Variants in LMO2 observed in about 807,000 individuals in gnomAD.
LMO2 encodes rhombotin-2.
In LMO2, 20 loss-of-function variants were observed where a neutral mutation model predicts 23.2. The observed-to-expected ratio is 0.86, with a 90% confidence interval of 0.61 to 1.25. The LOEUF is 1.25. Ranked by LOEUF, LMO2 falls within the 50% of genes most tolerant of loss-of-function variation. The pLI, the probability that LMO2 is intolerant of heterozygous loss-of-function variation, is 0.00. For missense variants in LMO2, 270 were observed against 315.3 expected (o/e 0.86, Z 1.09); for synonymous variants, 123 against 130.2 (o/e 0.94, Z 0.38).
At chr11:33,881,532 C>CT in intron 2 of LMO2, 2 of 373,196 alleles carry the variant, frequency 5.4e-6, no homozygotes, top group Non-Finnish European at 1.1e-5. Flanking sequence ...TCTGAGGCAT[C>CT]TTTTTAACCC....
chr11:33,886,443 T>C (rs1204418063), intron 1 of LMO2, among the ~76,000 whole-genome samples: 3 of 152,172 alleles, frequency 2.0e-5, no homozygotes, highest in Non-Finnish European at 4.4e-5. Context: ...GCCCATGGTG[T>C]TGTAGAAGAA....
chr11:33,891,395 A>G (rs945079393), intron 1 of LMO2, among the ~76,000 whole-genome samples: 1 of 151,214 alleles, frequency 6.6e-6, no homozygotes, highest in Non-Finnish European at 1.5e-5. Flanking sequence ...ACACATGCAC[A>G]CACACTCACA....
chr11:33,866,674 T>C (rs1418560750), intron 4 of LMO2, among the ~76,000 whole-genome samples: 1 of 152,198 alleles, frequency 6.6e-6, no homozygotes, highest in Non-Finnish European at 1.5e-5. Flanking sequence ...AGACACAGTT[T>C]CACTCTTATT....
chr11:33,886,025 A>C (rs1027531726), intron 1 of LMO2, among the ~76,000 whole-genome samples: 4 of 151,998 alleles, frequency 2.6e-5, no homozygotes, highest in Admixed American at 2.0e-4. Context: ...GCAGGTGCCC[A>C]CCACCAAGCT....
In LMO2 at chr11:33,870,470, GC is replaced by G. The variant is rs927208819; in HGVS notation, c.-271-484del. The G allele has an allele frequency of 1.6e-4, 158 of 966,182 alleles. No individual in the cohort carries two copies. In the African/African-American group the frequency reaches 2.6e-3, roughly 16 times the overall value. The allele number at this position is 966,182 out of a possible 1,614,324, so 59.9% of individuals were successfully genotyped here. On this transcript the variant is annotated intron_variant, in intron 2 of 5. Transcript: ENST00000257818. The stretch of plus-strand genomic sequence containing the variant: ...GCGGGCTGCGGGCTACGGGCTGCGG[GC>G]CCCAGGCTGCGGGCTCCGGGCTGCG...
intron 4 of LMO2, chr11:33,865,145 C>T (rs1354377486): frequency 2.5e-6 from 1 of 400,444 alleles, no homozygotes; most frequent in African/African-American, 2.0e-5. Flanking sequence ...CTGCTTTTTC[C>T]CACTCTCCCC....
intron 2 of LMO2, among the ~76,000 whole-genome samples, chr11:33,875,359 C>T (rs926645414): frequency 6.6e-6 from 1 of 152,090 alleles, no homozygotes; most frequent in Non-Finnish European, 1.5e-5. Flanking sequence ...GGGTGGATCA[C>T]CTGATGTCAG....
At chr11:33,860,587 A>T (rs921068188) in intron 5 of LMO2, among the ~76,000 whole-genome samples, 1 of 152,100 alleles carries the variant, frequency 6.6e-6, no homozygotes, top group African/African-American at 2.4e-5. Flanking sequence ...AACATGGTGA[A>T]ACTGTGTCTT....
Position 33,880,739 on chromosome 11 carries a change from G to A in LMO2, c.-272+1085C>T, listed in dbSNP as rs954726356. 4 of 174,120 alleles carry A rather than the reference G, an allele frequency of 2.3e-5. No homozygotes were observed. Among genetic ancestry groups the A allele is most frequent in the Non-Finnish European group, 4.9e-5 (4 of 80,990 alleles). 10.8% of individuals were successfully genotyped at this position (174,120 alleles called of 1,614,324 possible). A position where few individuals can be genotyped will look rare whatever the true frequency, so the allele number is the denominator to read the frequency against. On this transcript the variant is annotated intron_variant, in intron 2 of 5. Coordinates refer to ENST00000257818, the MANE Select transcript of LMO2 (RefSeq NM_005574.4). The surrounding 1 kb of genome is among the most constrained non-coding windows in gnomAD (Gnocchi z 4.3). The stretch of plus-strand genomic sequence containing the variant: ...AGTTAAAGACCATTCCCTAGGTGTA[G>A]CTCTGTTCCTACATGCAAAATTTTA...
At chr11:33,871,113 A>G (rs930197916) in intron 2 of LMO2, 121 of 970,186 alleles carry the variant, frequency 1.2e-4, no homozygotes, top group Non-Finnish European at 1.4e-4. Context: ...TTTTAAGGAT[A>G]ACCAGAGTTT....
rs1857229588 is a variant in LMO2 at position 33,880,161 on chromosome 11, AC to A, written c.-272+1662del. The stretch of plus-strand genomic sequence containing the variant: ...TACTATTTTATGTGTACATATATAT[AC>A]ATATGATATATACACATGATATATA... On this transcript the variant is annotated intron_variant, in intron 2 of 5. Transcript: ENST00000257818. The surrounding 1 kb of genome is among the most constrained non-coding windows in gnomAD (Gnocchi z 4.3). 6.7e-6 allele frequency among the ~76,000 whole-genome samples: 1 copy of A among 148,736 alleles called. No individual in the cohort carries two copies. The highest frequency in any genetic ancestry group is 1.5e-5 in the Non-Finnish European group (1 of 67,488).
At position 33,864,942 on chromosome 11, in the gene LMO2, G is replaced by C; in HGVS notation, c.249-125C>G. On this transcript the variant is annotated intron_variant, in intron 4 of 5. Transcript: ENST00000257818. This position sits in a 1 kb window ranked among gnomAD's most constrained non-coding sequence, Gnocchi z 4.8. ...GCCTTTCAGTGACCTAAGGGAGAAG[G>C]GACAGGACAACACATCCCTTGGCCA... 3 of 842,472 alleles carry C rather than the reference G, an allele frequency of 3.6e-6. No homozygotes were observed. The highest frequency in any genetic ancestry group is 5.9e-6 in the Non-Finnish European group (3 of 510,510). 52.2% of individuals were successfully genotyped at this position (842,472 alleles called of 1,614,324 possible).
rs1056848171 is a variant in LMO2, at chr11:33,869,857, C to T, written c.-141G>A. The T allele has an allele frequency of 1.0e-5, 11 of 1,058,242 alleles. No homozygotes were observed. The highest frequency in any genetic ancestry group is 1.0e-5 in the Non-Finnish European group (9 of 877,804). 65.6% of individuals were successfully genotyped at this position (1,058,242 alleles called of 1,614,324 possible). On this transcript the variant is annotated 5_prime_UTR_variant, in exon 3 of 6. Coordinates refer to ENST00000257818, the MANE Select transcript of LMO2 (RefSeq NM_005574.4). ...CCGGGTCGCGGCGCGCTGCTCGCCGCCGAGGGCAGAGAGGGGGCGGCGGCC... is the reference window on the plus strand; with the variant it reads ...CCGGGTCGCGGCGCGCTGCTCGCCGTCGAGGGCAGAGAGGGGGCGGCGGCC...
chr11:33,887,484 C>T (rs755377255), intron 1 of LMO2, among the ~76,000 whole-genome samples: 18 of 151,366 alleles, frequency 1.2e-4, no homozygotes, highest in Non-Finnish European at 4.4e-5. Flanking sequence ...GGGTGGGAAA[C>T]GTAAATGCAG....
chr11:33,869,490 C>CCGCCGCCGCCGT lies in LMO2; in HGVS notation c.92_103dup (p.Asp31_Gly34dup), dbSNP rs1190368852. The CCGCCGCCGCCGT allele has an allele frequency of 9.1e-6, 11 of 1,203,530 alleles. No homozygotes were observed. Among genetic ancestry groups the CCGCCGCCGCCGT allele is most frequent in the East Asian group, 3.9e-5 (1 of 25,626 alleles). The allele number at this position is 1,203,530 out of a possible 1,614,324, so 74.6% of individuals were successfully genotyped here. Reference sequence around the variant, plus strand: ...CCCCTCGGGTGCTCGGGCGCCGCCGCCGCCGCCGCCGTCGCCGCCGCTCCT... The same window carrying CCGCCGCCGCCGT: ...CCCCTCGGGTGCTCGGGCGCCGCCGCCGCCGCCGCCGTCGCCGCCGCCGTCGCCGCCGCTCCT... On this transcript the variant is annotated inframe_insertion, in exon 4 of 6. Coordinates refer to ENST00000257818, the MANE Select transcript of LMO2 (RefSeq NM_005574.4).
At chr11:33,881,089 C>T (rs556328155) in intron 2 of LMO2, 13 of 443,586 alleles carry the variant, frequency 2.9e-5, no homozygotes, top group South Asian at 1.9e-4. Flanking sequence ...TAGCAGGTCC[C>T]ATCTCCATTT....
intron 2 of LMO2, among the ~76,000 whole-genome samples, chr11:33,877,485 G>C (rs1386672372): frequency 1.2e-5 from 1 of 81,880 alleles, no homozygotes. Context: ...TTTTTTTTGA[G>C]ACAGTGTCTC....
Position 33,859,398 on chromosome 11 carries a change from T to C in LMO2, c.642A>G (p.Glu214=). ...YLLINSDIVC[E]QDIYEWTKIN... is the part of the protein sequence containing the mutation. ...TCTTAGTCCACTCGTAGATGTCCTG[T>C]TCGCACACTATGTCAGAGTTGATGA... The change falls in exon 6 of 6, where the codon GAA becomes GAG. Residue 214 remains glutamate, a synonymous_variant. Transcript: ENST00000257818. 6.2e-7 allele frequency: 1 copy of C among 1,614,180 alleles called. No homozygotes were observed. The highest frequency in any genetic ancestry group is 8.5e-7 in the Non-Finnish European group (1 of 1,180,030).
Position 33,864,036 on chromosome 11 carries a change from C to T in LMO2, c.464+566G>A, listed in dbSNP as rs1229260260. ...AAGCTGGGAAGCAATGGTATTGGGA[C>T]TCAAACCTCCAACTGCCTACAGGGC... is the stretch of plus-strand genomic sequence containing the variant. On this transcript the variant is annotated intron_variant, in intron 5 of 5. Transcript: ENST00000257818. The surrounding 1 kb of genome is among the most constrained non-coding windows in gnomAD (Gnocchi z 4.8). Among the ~76,000 whole-genome samples the T allele has an allele frequency of 6.6e-6, 1 of 152,202 alleles. No homozygotes were observed. Among genetic ancestry groups the T allele is most frequent in the Non-Finnish European group, 1.5e-5 (1 of 68,030 alleles).
Sources: gnomAD v4.1 joint callset for allele counts (sites outside exome capture counted in the v4.1 genomes callset) on GRCh38, gnomAD v4.1.1 for gene constraint, Gnocchi (gnomAD v3.1) non-coding constraint, MANE v1.5 for transcripts, NCBI Gene and HGNC (gene_info 2026-07-23, HGNC 2026-07-21) for gene names.